Variants in GLG1 observed in about 807,000 individuals in gnomAD.
GLG1 encodes the protein golgi glycoprotein 1, also known as Golgi apparatus protein 1.
A neutral mutation model predicts 160.5 loss-of-function variants in GLG1; 38 were observed. The ratio of observed to expected loss-of-function variants is 0.24; its 90% confidence interval spans 0.18 to 0.31. The LOEUF (loss-of-function observed/expected upper bound fraction) is 0.31. Among genes scored for constraint, GLG1 ranks in the 10% least tolerant of loss-of-function variants. GLG1 has a pLI of 1.00. For synonymous variants in GLG1, 644 were observed against 543.4 expected, an observed-to-expected ratio of 1.19 and a Z score of -2.57; for missense variants, 1,373 against 1,505.2, an observed-to-expected ratio of 0.91 and a Z score of 1.45.
chr16:74,538,336 T>C (rs1170566444), intron 1 of GLG1, among the ~76,000 whole-genome samples: 1 of 151,844 alleles, frequency 6.6e-6, no homozygotes, highest in African/African-American at 2.4e-5. Context: ...ACCCAGTAAC[T>C]TCCCATCACA....
At chr16:74,588,926 T>TTC (rs1958111197) in intron 1 of GLG1, among the ~76,000 whole-genome samples, 1 of 143,264 alleles carries the variant, frequency 7.0e-6, no homozygotes, top group African/African-American at 2.6e-5. Flanking sequence ...ACCAATATCC[T>TTC]TTTTTTTTTT....
intron 1 of GLG1, among the ~76,000 whole-genome samples, chr16:74,533,586 G>A (rs1032443340): frequency 6.6e-6 from 1 of 151,854 alleles, no homozygotes; most frequent in East Asian, 2.0e-4. Context: ...TTCAAGACTA[G>A]CCTGGCCAAC....
intron 1 of GLG1, among the ~76,000 whole-genome samples, chr16:74,604,358 G>T (rs1958515239): frequency 6.6e-6 from 1 of 152,214 alleles, no homozygotes; most frequent in Non-Finnish European, 1.5e-5. Context: ...TCGGAAGGGT[G>T]TGCACAGATG....
rs182916395 is a variant in GLG1, at chr16:74,587,957, T to C, written c.438+18700A>G. 9.9e-5 allele frequency among the ~76,000 whole-genome samples: 15 copies of C among 152,198 alleles called. 1 individual carries two copies. The highest frequency in any genetic ancestry group is 8.5e-4 in the Admixed American group (13 of 15,280). ...ATAAATAAAACACCCAAATCAAACG[T>C]CTATAGGTGAAATATACTTAAAATA... On this transcript the variant is annotated intron_variant, in intron 1 of 25. Coordinates refer to ENST00000422840, the MANE Select transcript of GLG1 (RefSeq NM_001145667.2).
intron 1 of GLG1, among the ~76,000 whole-genome samples, chr16:74,558,104 G>A (rs2018402474): frequency 6.6e-6 from 1 of 152,168 alleles, no homozygotes; most frequent in Non-Finnish European, 1.5e-5. Context: ...AACTTTCACA[G>A]TCTGATTTTC....
At chr16:74,501,237 A>G (rs965751148) in intron 4 of GLG1, among the ~76,000 whole-genome samples, 2 of 152,302 alleles carry the variant, frequency 1.3e-5, no homozygotes, top group Non-Finnish European at 1.5e-5. Context: ...TGTAGTACAG[A>G]GTGAATGATA....
chr16:74,586,225 T>G (rs2143841028), intron 1 of GLG1, among the ~76,000 whole-genome samples: 1 of 152,228 alleles, frequency 6.6e-6, no homozygotes, highest in African/African-American at 2.4e-5. Flanking sequence ...AAAAGGAACC[T>G]GGGTCTCTGG....
intron 1 of GLG1, among the ~76,000 whole-genome samples, chr16:74,582,683 G>C (rs556442140): frequency 3.3e-5 from 5 of 152,068 alleles, no homozygotes; most frequent in Non-Finnish European, 5.9e-5. Context: ...GCCGGGCGTG[G>C]TGGCGGGCGC....
chr16:74,606,576 G>C, intron 1 of GLG1, 81 bp downstream of exon 1: 9 of 1,199,290 alleles, frequency 7.5e-6, no homozygotes, highest in Non-Finnish European at 1.1e-5. Context: ...GCAGCCGACC[G>C]GCGTCAGCGG....
At chr16:74,536,480 G>A (rs2017690957) in intron 1 of GLG1, among the ~76,000 whole-genome samples, 1 of 152,104 alleles carries the variant, frequency 6.6e-6, no homozygotes, top group South Asian at 2.1e-4. Flanking sequence ...ATTCTATCTG[G>A]TCTCTAATCT....
At chr16:74,583,325 T>C (rs561959473) in intron 1 of GLG1, among the ~76,000 whole-genome samples, 1 of 152,342 alleles carries the variant, frequency 6.6e-6, no homozygotes, top group East Asian at 1.9e-4. Flanking sequence ...CTAGCTGTCA[T>C]TTCAAATTCA....
At chr16:74,522,053 A>G (rs972710326) in intron 2 of GLG1, among the ~76,000 whole-genome samples, 1 of 152,240 alleles carries the variant, frequency 6.6e-6, no homozygotes, top group Non-Finnish European at 1.5e-5. Flanking sequence ...CAGCCCATCT[A>G]AAATTTACCA....
At chr16:74,519,483 T>C (rs1301356592) in intron 2 of GLG1, among the ~76,000 whole-genome samples, 3 of 150,630 alleles carry the variant, frequency 2.0e-5, no homozygotes, top group Non-Finnish European at 3.0e-5. Flanking sequence ...TAAAGTATAA[T>C]AATTAAAAAA....
chr16:74,578,899 T>C (rs781216194), intron 1 of GLG1, among the ~76,000 whole-genome samples: 1 of 152,232 alleles, frequency 6.6e-6, no homozygotes, highest in African/African-American at 2.4e-5. Flanking sequence ...GGCATTTAAG[T>C]AATCTTTAAC....
At chr16:74,591,324 C>G in intron 1 of GLG1, among the ~76,000 whole-genome samples, 1 of 147,976 alleles carries the variant, frequency 6.8e-6, no homozygotes, top group South Asian at 2.1e-4. Flanking sequence ...AAGCAAGACT[C>G]CATCTCAAAA....
chr16:74,482,324 T>A (rs2015630344), intron 10 of GLG1, among the ~76,000 whole-genome samples: 1 of 152,138 alleles, frequency 6.6e-6, no homozygotes, highest in Non-Finnish European at 1.5e-5. Context: ...AAAAATTAAC[T>A]ACCACACCAT....
rs779930431 is a variant in GLG1, at chr16:74,471,208, C to T, written c.2194G>A (p.Glu732Lys). 4 of 1,612,318 alleles carry T rather than the reference C, an allele frequency of 2.5e-6. No individual in the cohort carries two copies. Among genetic ancestry groups the T allele is most frequent in the Admixed American group, 1.7e-5 (1 of 60,014 alleles). Residue 732 changes from glutamate (E) to lysine (K), a missense_variant, in exon 15 of 26, where the codon GAG becomes AAG. By Grantham distance (56) the Glu-to-Lys change is moderately conservative. Transcript: ENST00000422840. ...TGGGTAACTCCGATGGCACACTTCTCGTTCATGTCCTTCTGGTGTTTGTTC... is the reference window on the plus strand; with the variant it reads ...TGGGTAACTCCGATGGCACACTTCTTGTTCATGTCCTTCTGGTGTTTGTTC... ...IQNKHQKDMN[E>K]KCAIGVTHFQ...
At chr16:74,458,171 G>A in intron 23 of GLG1, 177 bp from the exon 24 acceptor site, 1 of 530,092 alleles carries the variant, frequency 1.9e-6, no homozygotes. Flanking sequence ...ATTTAATTGA[G>A]TAACTAACTA....
intron 2 of GLG1, among the ~76,000 whole-genome samples, chr16:74,528,673 G>A (rs12931000): frequency 2.6e-5 from 4 of 151,618 alleles, no homozygotes; most frequent in East Asian, 2.0e-4. Flanking sequence ...TTAGCTGGGC[G>A]TGGTTGTGGG....
Sources: allele counts gnomAD v4.1 joint callset (sites outside exome capture counted in the v4.1 genomes callset), GRCh38; gene constraint gnomAD v4.1.1; transcripts MANE v1.5; gene names NCBI Gene and HGNC (gene_info 2026-07-23, HGNC 2026-07-21).